The following HMGA2 variants were observed in gnomAD, a reference collection of about 807,000 sequenced individuals.
HMGA2 encodes high mobility group protein HMGI-C.
In HMGA2, 8 loss-of-function variants were observed where a neutral mutation model predicts 19.1. The ratio of observed to expected loss-of-function variants is 0.42; its 90% confidence interval spans 0.25 to 0.76. The LOEUF (loss-of-function observed/expected upper bound fraction) is 0.76, where lower values mean the gene tolerates loss of function less well. Ranked by LOEUF, HMGA2 falls within the 30% of genes least tolerant of loss-of-function variation. The pLI, the probability that HMGA2 is intolerant of heterozygous loss-of-function variation, is 0.28. For missense variants in HMGA2, 109 were observed against 136.3 expected (o/e 0.80, Z 1.00); for synonymous variants, 60 against 48.8 (o/e 1.23, Z -0.96).
At chr12:65,910,228 G>A (rs2121207225) in intron 3 of HMGA2, among the ~76,000 whole-genome samples, 1 of 152,276 alleles carries the variant, frequency 6.6e-6, no homozygotes, top group Non-Finnish European at 1.5e-5. Context: ...TTAGTCAGGG[G>A]AAGAGGCCTC....
At chr12:65,830,444 T>C (rs1194709752) in intron 2 of HMGA2, among the ~76,000 whole-genome samples, 1 of 151,944 alleles carries the variant, frequency 6.6e-6, no homozygotes, top group Non-Finnish European at 1.5e-5. Context: ...CCAGAATAGA[T>C]ATGAGAAGTC....
At chr12:65,827,789 AAAT>A (rs1326165810) in intron 1 of HMGA2, among the ~76,000 whole-genome samples, 2 of 152,216 alleles carry the variant, frequency 1.3e-5, no homozygotes, top group Non-Finnish European at 2.9e-5. Flanking sequence ...TTCATATACA[AAAT>A]AGAGTTTCCT....
Position 65,965,514 on chromosome 12 carries a change from G to T in HMGA2, c.*2222G>T. The T allele has an allele frequency of 4.8e-6, 1 of 209,036 alleles. No individual in the cohort carries two copies. 12.9% of individuals were successfully genotyped at this position (209,036 alleles called of 1,614,324 possible). A position where few individuals can be genotyped will look rare whatever the true frequency, so the allele number is the denominator to read the frequency against. On this transcript the variant is annotated 3_prime_UTR_variant, in exon 5 of 5. Coordinates refer to ENST00000403681, the MANE Select transcript of HMGA2 (RefSeq NM_003483.6). Reference sequence around the variant, plus strand: ...CTGCTTCAGGGAGGTAGTTTCAAAGGCCACATACCTCTCTGAGACTGGCAG... The same window carrying T: ...CTGCTTCAGGGAGGTAGTTTCAAAGTCCACATACCTCTCTGAGACTGGCAG...
intron 3 of HMGA2, among the ~76,000 whole-genome samples, chr12:65,926,317 G>A (rs1875504013): frequency 6.6e-6 from 1 of 152,218 alleles, no homozygotes; most frequent in Non-Finnish European, 1.5e-5. Context: ...TACTCAGGGG[G>A]AGGATTTATC....
chr12:65,852,002 A>C lies in HMGA2; in HGVS notation c.249+13433A>C, dbSNP rs530497461. Among the ~76,000 whole-genome samples the C allele has an allele frequency of 2.0e-5, 3 of 151,872 alleles. No homozygotes were observed. In the South Asian group the frequency reaches 6.2e-4, roughly 32 times the overall value. On this transcript the variant is annotated intron_variant, in intron 3 of 4. Transcript: ENST00000403681. Reference sequence around the variant, plus strand: ...TCTGGGTTGTGGTCAGAATAATATAAGAAAGTAATTTGTACTTTGTACAAA... The same window carrying C: ...TCTGGGTTGTGGTCAGAATAATATACGAAAGTAATTTGTACTTTGTACAAA...
chr12:65,838,756 A>C (rs980566396), intron 3 of HMGA2, among the ~76,000 whole-genome samples, 187 bp downstream of exon 3: 13 of 152,146 alleles, frequency 8.5e-5, no homozygotes, highest in Non-Finnish European at 1.8e-4. Context: ...GTTTACGTAG[A>C]ACACTTTTCT....
In HMGA2 at chr12:65,824,725, C is replaced by CTCTCTCTCTCTG. The variant is rs1565697495; in HGVS notation, c.-535_-534insGTCTCTCTCTCT. On this transcript the variant is annotated 5_prime_UTR_variant, in exon 1 of 5. Transcript: ENST00000403681. ...CAATCTCAATCTCTTCTCTCTCTCT[C>CTCTCTCTCTCTG]TCTCTCTCTCTCTCTCTCTCTCTCT... 60 of 147,164 alleles carry CTCTCTCTCTCTG rather than the reference C, an allele frequency of 4.1e-4. 1 individual carries two copies. The highest frequency in any genetic ancestry group is 1.9e-3 in the African/African-American group (53 of 27,856). 9.1% of individuals were successfully genotyped at this position (147,164 alleles called of 1,614,324 possible). A position where few individuals can be genotyped will look rare whatever the true frequency, so the allele number is the denominator to read the frequency against.
intron 3 of HMGA2, among the ~76,000 whole-genome samples, chr12:65,922,361 A>G (rs921804822): frequency 1.3e-5 from 2 of 152,198 alleles, no homozygotes; most frequent in Non-Finnish European, 2.9e-5. Flanking sequence ...TATGACCTGG[A>G]TGTGAGACCT....
chr12:65,854,030 A>C (rs1871605159), intron 3 of HMGA2, among the ~76,000 whole-genome samples: 1 of 152,210 alleles, frequency 6.6e-6, no homozygotes, highest in African/African-American at 2.4e-5. Flanking sequence ...TTAATGCAGA[A>C]TTTTTAAACT....
At chr12:65,871,322 T>C (rs183330798) in intron 3 of HMGA2, among the ~76,000 whole-genome samples, 40 of 152,310 alleles carry the variant, frequency 2.6e-4, no homozygotes, top group Non-Finnish European at 4.7e-4. Context: ...CAGAGCTGAG[T>C]ACCTGCCACA....
At chr12:65,827,856 A>G (rs142185585) in intron 1 of HMGA2, 145 bp from the exon 2 acceptor site, 15 of 702,576 alleles carry the variant, frequency 2.1e-5, no homozygotes, top group Middle Eastern at 2.4e-4. Flanking sequence ...TAAACTCTGT[A>G]CCATCATCAT....
At chr12:65,928,594 CACAA>C (rs1415344616) in intron 3 of HMGA2, among the ~76,000 whole-genome samples, 1 of 152,144 alleles carries the variant, frequency 6.6e-6, no homozygotes, top group Non-Finnish European at 1.5e-5. Context: ...TCACTTAAAA[CACAA>C]ACACATTATG....
At chr12:65,947,962 T>C (rs1298601925) in intron 3 of HMGA2, among the ~76,000 whole-genome samples, 6 of 152,178 alleles carry the variant, frequency 3.9e-5, no homozygotes, top group Non-Finnish European at 8.8e-5. Flanking sequence ...TTCTCCTGGA[T>C]TGGATCTCGA....
chr12:65,962,874 C>T (rs1444409192), intron 4 of HMGA2, among the ~76,000 whole-genome samples: 1 of 151,998 alleles, frequency 6.6e-6, no homozygotes, highest in African/African-American at 2.4e-5. Flanking sequence ...TCTTGTGTGC[C>T]GGTTTTTAAA....
rs149062521 is a variant in HMGA2 at position 65,964,395 on chromosome 12, C to T, written c.*1103C>T. On this transcript the variant is annotated 3_prime_UTR_variant, in exon 5 of 5. Coordinates refer to ENST00000403681, the MANE Select transcript of HMGA2 (RefSeq NM_003483.6). ...CAGTTTCCATGAAAGACCTGAATAC[C>T]ACTTACCTCAAATTAAGCATATGTG... is the stretch of plus-strand genomic sequence containing the variant. 1 of 226,298 alleles carries T rather than the reference C, an allele frequency of 4.4e-6. No individual in the cohort carries two copies. Among genetic ancestry groups the T allele is most frequent in the African/African-American group, 2.2e-5 (1 of 44,980 alleles). The allele number at this position is 226,298 out of a possible 1,614,324, so 14.0% of individuals were successfully genotyped here. A position where few individuals can be genotyped will look rare whatever the true frequency, so the allele number is the denominator to read the frequency against.
intron 3 of HMGA2, among the ~76,000 whole-genome samples, chr12:65,927,699 T>C (rs991223949): frequency 7.2e-5 from 11 of 152,034 alleles, no homozygotes; most frequent in Non-Finnish European, 1.5e-4. Flanking sequence ...AATTGTATTT[T>C]CGGCTATCCA....
At chr12:65,950,013 A>G (rs1335222042) in intron 3 of HMGA2, among the ~76,000 whole-genome samples, 4 of 152,190 alleles carry the variant, frequency 2.6e-5, no homozygotes, top group Non-Finnish European at 5.9e-5. Flanking sequence ...TTAACTTCAC[A>G]TCCACTTGGA....
chr12:65,946,887 T>A (rs558638458), intron 3 of HMGA2, among the ~76,000 whole-genome samples: 17 of 152,336 alleles, frequency 1.1e-4, no homozygotes, highest in African/African-American at 3.8e-4. Context: ...CAAAAATATG[T>A]CCTTTCCTTT....
intron 3 of HMGA2, among the ~76,000 whole-genome samples, chr12:65,862,098 G>T (rs1872120333): frequency 6.6e-6 from 1 of 152,040 alleles, no homozygotes; most frequent in Non-Finnish European, 1.5e-5. Flanking sequence ...ACCCGCCTCG[G>T]CCTCCCAAAG....
Sources: allele counts gnomAD v4.1 joint callset (sites outside exome capture counted in the v4.1 genomes callset), GRCh38; gene constraint gnomAD v4.1.1; transcripts MANE v1.5; gene names NCBI Gene and HGNC (gene_info 2026-07-23, HGNC 2026-07-21).